The following PKIB variants were observed in gnomAD, a reference collection of about 807,000 sequenced individuals.
PKIB encodes the protein PKI-beta.
PKIB carries 2 observed loss-of-function variants against 4.5 expected under a neutral mutation model. The ratio of observed to expected loss-of-function variants is 0.44; its 90% CI spans 0.18 to 1.39. PKIB has a LOEUF of 1.39. Among genes scored for constraint, PKIB ranks in the 40% most tolerant of loss-of-function variants. The pLI is 0.27. For missense variants in PKIB, 94 were observed against 92.6 expected, an observed-to-expected ratio of 1.02 and a Z score of -0.06; for synonymous variants, 38 against 36.0, an observed-to-expected ratio of 1.06 and a Z score of -0.20.
At chr6:122,593,121 GT>G (rs1004532012) in intron 3 of PKIB, among the ~76,000 whole-genome samples, 1 of 152,142 alleles carries the variant, frequency 6.6e-6, no homozygotes, top group Non-Finnish European at 1.5e-5. Flanking sequence ...GAGAGAATTT[GT>G]TTACTGGAAT....
chr6:122,639,631 T>G (rs1238332302), intron 2 of PKIB, among the ~76,000 whole-genome samples: 1 of 152,188 alleles, frequency 6.6e-6, no homozygotes, highest in Non-Finnish European at 1.5e-5. Flanking sequence ...GCTGATGTTT[T>G]CTTTGTGGAG....
intron 3 of PKIB, among the ~76,000 whole-genome samples, chr6:122,680,663 C>CT (rs1777863375): frequency 6.6e-6 from 1 of 152,110 alleles, no homozygotes; most frequent in African/African-American, 2.4e-5. Flanking sequence ...AAAACTTTTG[C>CT]TTCTGAGGCT....
chr6:122,628,534 A>G (rs915651237), intron 1 of PKIB, among the ~76,000 whole-genome samples: 6 of 152,202 alleles, frequency 3.9e-5, no homozygotes, highest in African/African-American at 1.4e-4. Flanking sequence ...CATTTGCAAA[A>G]TTGAGATCTT....
chr6:122,651,418 C>G (rs966021560), intron 2 of PKIB, among the ~76,000 whole-genome samples: 1 of 152,076 alleles, frequency 6.6e-6, no homozygotes, highest in African/African-American at 2.4e-5. Flanking sequence ...GGGATAAGTT[C>G]TGAGGAGAAT....
In PKIB at chr6:122,725,184, G is replaced by T. The variant is rs1779908490; in HGVS notation, c.226G>T (p.Glu76Ter). Residue 76 changes from glutamate to a stop codon, truncating the protein, a stop_gained, in exon 5 of 5, where the codon GAA (glutamate) becomes TAA (stop). Transcript: ENST00000368452. LOFTEE classifies it high-confidence loss of function. ...AGACCAATTGGAAAAGCCTCAAAAT[G>T]AAGAAAAATGAAGGCTCATAATCTA... The part of the protein sequence containing the change: ...TQDQLEKPQN[E>*]EK The T allele has an allele frequency of 6.2e-7, 1 of 1,610,126 alleles. No homozygotes were observed. The highest frequency in any genetic ancestry group is 1.3e-5 in the African/African-American group (1 of 74,660).
chr6:122,589,407 G>A (rs1773952123), intron 3 of PKIB, among the ~76,000 whole-genome samples: 2 of 152,126 alleles, frequency 1.3e-5, no homozygotes, highest in African/African-American at 4.8e-5. Context: ...TGATGTGTGT[G>A]TAAAAGCATT....
At position 122,718,108 on chromosome 6, in the gene PKIB, T is replaced by C; in HGVS notation, c.169+145T>C. 6.3e-6 allele frequency: 5 copies of C among 787,546 alleles called. No individual in the cohort carries two copies. In the South Asian group the frequency reaches 8.0e-5, roughly 13 times the overall value. The allele number at this position is 787,546 out of a possible 1,614,324, so 48.8% of individuals were successfully genotyped here. ...AACCTCTCAGCTTTTGTTTAAGGCT[T>C]AGTAGATGTTCAGCCTTTTCCAAAG... On this transcript the variant is annotated intron_variant, in intron 4 of 4. Coordinates refer to ENST00000368452, the MANE Select transcript of PKIB (RefSeq NM_181795.3).
chr6:122,692,318 C>G (rs945073742), intron 3 of PKIB, among the ~76,000 whole-genome samples: 2 of 152,170 alleles, frequency 1.3e-5, no homozygotes, highest in African/African-American at 4.8e-5. Flanking sequence ...TCAGAGATGT[C>G]AAATGGGAGC....
At position 122,636,126 on chromosome 6, in the gene PKIB, G is replaced by A. The variant is rs1220239023; in HGVS notation, c.-76+2759G>A. On this transcript the variant is annotated intron_variant, in intron 2 of 4. Transcript: ENST00000368452. ...CTATTTTACAAATTAGGAAGCTGAG[G>A]CCAAGAGATGCTAAGTAACAAGGCC... 2.0e-5 allele frequency among the ~76,000 whole-genome samples: 3 copies of A among 152,030 alleles called. No individual in the cohort carries two copies. In the East Asian group the frequency reaches 5.8e-4, roughly 29 times the overall value.
intron 2 of PKIB, among the ~76,000 whole-genome samples, chr6:122,551,066 A>C (rs914740260): frequency 6.6e-6 from 1 of 152,044 alleles, no homozygotes; most frequent in Non-Finnish European, 1.5e-5. Context: ...TTTTGAGGTT[A>C]TCTCTGTTAT....
At chr6:122,647,556 A>G (rs1776375262) in intron 2 of PKIB, among the ~76,000 whole-genome samples, 1 of 152,240 alleles carries the variant, frequency 6.6e-6, no homozygotes, top group Non-Finnish European at 1.5e-5. Context: ...AGCCCAAAAC[A>G]TGGTAACCCT....
chr6:122,493,913 C>T (rs1335218917), intron 2 of PKIB, among the ~76,000 whole-genome samples: 1 of 152,076 alleles, frequency 6.6e-6, no homozygotes, highest in Non-Finnish European at 1.5e-5. Context: ...TACTGTGGCT[C>T]TTCTGGAAAG....
intron 2 of PKIB, among the ~76,000 whole-genome samples, chr6:122,568,646 C>T (rs891296935): frequency 4.6e-5 from 7 of 152,168 alleles, no homozygotes; most frequent in African/African-American, 1.7e-4. Flanking sequence ...AGCCAGTGAG[C>T]TCAGGAAGTG....
At chr6:122,632,350 G>A (rs1162509774) in intron 1 of PKIB, among the ~76,000 whole-genome samples, 2 of 152,094 alleles carry the variant, frequency 1.3e-5, no homozygotes, top group African/African-American at 4.8e-5. Flanking sequence ...AGAAACAGAT[G>A]ATCTTCATAA....
In PKIB at chr6:122,560,751, C is replaced by T. The variant is rs555574226; in HGVS notation, c.-247-25170C>T. Among the ~76,000 whole-genome samples, 22 of 152,012 alleles carry T rather than the reference C, an allele frequency of 1.4e-4. No individual in the cohort carries two copies. The East Asian group carries it at 2.5e-3, about 17-fold the overall frequency. The stretch of plus-strand genomic sequence containing the variant: ...ATTGGTCTGTTCAGGGTATCTAATT[C>T]GTCCTGATTTAAGTTAAGAGGGTTG... On this transcript the variant is annotated intron_variant, in intron 2 of 6. Coordinates refer to the PKIB transcript ENST00000392491.
At chr6:122,506,472 G>A (rs186349922) in intron 2 of PKIB, among the ~76,000 whole-genome samples, 76 of 152,084 alleles carry the variant, frequency 5.0e-4, no homozygotes, top group African/African-American at 1.6e-3. Flanking sequence ...AATTATTTTT[G>A]GATGTGGGCC....
At chr6:122,608,538 A>C (rs956234064), upstream of PKIB, among the ~76,000 whole-genome samples, 14 of 152,230 alleles carry the variant, frequency 9.2e-5, no homozygotes, top group Admixed American at 2.0e-4. Flanking sequence ...GGCCATCAAA[A>C]ATCTTAAATC....
chr6:122,632,014 T>A (rs1260955958), intron 1 of PKIB, among the ~76,000 whole-genome samples: 2 of 152,090 alleles, frequency 1.3e-5, no homozygotes, highest in African/African-American at 4.8e-5. Context: ...GGAGGATGGA[T>A]TCGAAGGGGA....
chr6:122,494,764 GCAGC>G (rs1238565688), intron 2 of PKIB, among the ~76,000 whole-genome samples: 9 of 152,164 alleles, frequency 5.9e-5, no homozygotes, highest in African/African-American at 2.2e-4. Flanking sequence ...GTGAAGCCAG[GCAGC>G]CTCCTACTCA....
Sources: allele counts gnomAD v4.1 joint callset (sites outside exome capture counted in the v4.1 genomes callset), GRCh38; gene constraint gnomAD v4.1.1; transcripts MANE v1.5; gene names NCBI Gene and HGNC (gene_info 2026-07-23, HGNC 2026-07-21).